Variants in TAFA4 observed in about 807,000 individuals in gnomAD.
TAFA4 encodes chemokine-like protein TAFA-4.
TAFA4 carries 20 observed loss-of-function variants against 21.1 expected under a neutral mutation model. The ratio of observed to expected loss-of-function variants is 0.95; its 90% CI spans 0.67 to 1.38. The LOEUF is 1.38. Among genes scored for constraint, TAFA4 ranks in the 40% most tolerant of loss-of-function variants. The probability of loss-of-function intolerance (pLI) is 0.00; values close to 1 mark genes in which losing one functional copy is unlikely to be tolerated. For synonymous variants in TAFA4, 71 were observed against 67.4 expected (o/e 1.05, Z -0.26); for missense variants, 211 against 180.9 (o/e 1.17, Z -0.95).
chr3:68,783,409 C>T (rs1703185688), intron 3 of TAFA4, among the ~76,000 whole-genome samples: 1 of 152,156 alleles, frequency 6.6e-6, no homozygotes, highest in African/African-American at 2.4e-5. Context: ...CACAGAGGAG[C>T]TTCATCCAGC....
chr3:68,795,079 T>G (rs1344364727), intron 3 of TAFA4, among the ~76,000 whole-genome samples: 1 of 151,406 alleles, frequency 6.6e-6, no homozygotes, highest in Non-Finnish European at 1.5e-5. Flanking sequence ...GTCTGAGAGA[T>G]AAATAATACT....
At chr3:68,745,185 G>C (rs376090948) in intron 4 of TAFA4, among the ~76,000 whole-genome samples, 2 of 152,172 alleles carry the variant, frequency 1.3e-5, no homozygotes, top group Non-Finnish European at 2.9e-5. Flanking sequence ...CAGAGAATAA[G>C]GTGATTAAAC....
At chr3:68,810,538 C>T (rs1010068419) in intron 3 of TAFA4, among the ~76,000 whole-genome samples, 4 of 152,202 alleles carry the variant, frequency 2.6e-5, no homozygotes, top group Non-Finnish European at 4.4e-5. Flanking sequence ...CTGCGCCTGG[C>T]TCTGAGGGTC....
intron 1 of TAFA4, among the ~76,000 whole-genome samples, chr3:68,900,972 C>T (rs1200061185): frequency 6.6e-6 from 1 of 152,202 alleles, no homozygotes; most frequent in Non-Finnish European, 1.5e-5. Flanking sequence ...TGTAGTTCAG[C>T]CACCCATGGC....
chr3:68,815,265 A>C (rs1468301342), intron 3 of TAFA4, among the ~76,000 whole-genome samples: 1 of 152,234 alleles, frequency 6.6e-6, no homozygotes, highest in Non-Finnish European at 1.5e-5. Context: ...CAAGGACTTC[A>C]TGTCTAAAAC....
rs575080252 is a variant in TAFA4, at chr3:68,852,205, G to A, written c.130+28525C>T. Among the ~76,000 whole-genome samples the A allele has an allele frequency of 6.6e-5, 10 of 152,300 alleles. No individual in the cohort carries two copies. The South Asian group carries it at 2.1e-3, about 32-fold the overall frequency. On this transcript the variant is annotated intron_variant, in intron 3 of 5. Transcript: ENST00000295569. Reference sequence around the variant, plus strand: ...GAGATCTGTAGGACCAAAGTTTGGAGAGAGAGGACTCTTTTGTGCCATGTA... The same window carrying A: ...GAGATCTGTAGGACCAAAGTTTGGAAAGAGAGGACTCTTTTGTGCCATGTA...
intron 3 of TAFA4, among the ~76,000 whole-genome samples, chr3:68,849,028 T>C (rs1435940797): frequency 1.3e-5 from 2 of 152,214 alleles, no homozygotes; most frequent in East Asian, 1.9e-4. Context: ...GCATGAGCTA[T>C]CCTTCTAGAA....
At chr3:68,856,369 T>C (rs1705069485) in intron 3 of TAFA4, among the ~76,000 whole-genome samples, 1 of 152,180 alleles carries the variant, frequency 6.6e-6, no homozygotes, top group African/African-American at 2.4e-5. Flanking sequence ...CATTCTGAAA[T>C]TCCACGTCTA....
At position 68,736,626 on chromosome 3, in the gene TAFA4, A is replaced by G. The variant is rs183866425; in HGVS notation, c.411+2449T>C. 5.3e-5 allele frequency among the ~76,000 whole-genome samples: 8 copies of G among 152,264 alleles called. No homozygotes were observed. The East Asian group carries it at 1.5e-3, about 29-fold the overall frequency. ...ATTATTGTTATACAGTTTAGTTAAT[A>G]CGTCCTCTAGGGAGACAATTGCTCT... is the stretch of plus-strand genomic sequence containing the variant. On this transcript the variant is annotated intron_variant, in intron 5 of 5. Coordinates refer to ENST00000295569, the MANE Select transcript of TAFA4 (RefSeq NM_182522.5).
At chr3:68,891,246 T>C (rs1052577647) in intron 1 of TAFA4, among the ~76,000 whole-genome samples, 2 of 152,192 alleles carry the variant, frequency 1.3e-5, no homozygotes, top group Non-Finnish European at 1.5e-5. Context: ...GTGCATCCAC[T>C]CAAACTCATC....
At position 68,853,642 on chromosome 3, in the gene TAFA4, A is replaced by G. The variant is rs1013148789; in HGVS notation, c.130+27088T>C. Reference sequence around the variant, plus strand: ...CAGTGTCTTACCATCTGTTTTCCATAATATGCCCCCTTTATTAATTATTCA... The same window carrying G: ...CAGTGTCTTACCATCTGTTTTCCATGATATGCCCCCTTTATTAATTATTCA... On this transcript the variant is annotated intron_variant, in intron 3 of 5. Transcript: ENST00000295569. Among the ~76,000 whole-genome samples, 21 of 152,272 alleles carry G rather than the reference A, an allele frequency of 1.4e-4. No homozygotes were observed. The East Asian group carries it at 3.1e-3, about 22-fold the overall frequency.
intron 1 of TAFA4, among the ~76,000 whole-genome samples, chr3:68,931,196 C>T (rs2090154231): frequency 6.6e-6 from 1 of 152,146 alleles, no homozygotes; most frequent in Non-Finnish European, 1.5e-5. Context: ...ATCACATCAA[C>T]CTTGCTTGTC....
At position 68,826,678 on chromosome 3, in the gene TAFA4, G is replaced by C. The variant is rs1206610971; in HGVS notation, c.130+54052C>G. ...TTCCTCTGAATTTGAGGGTAGAATA[G>C]TAGGCAGAAAGGATTATCTGGCAAG... On this transcript the variant is annotated intron_variant, in intron 3 of 5. Transcript: ENST00000295569. Among the ~76,000 whole-genome samples the C allele has an allele frequency of 2.0e-5, 3 of 151,888 alleles. No individual in the cohort carries two copies. The East Asian group carries it at 5.8e-4, about 29-fold the overall frequency.
intron 1 of TAFA4, among the ~76,000 whole-genome samples, chr3:68,916,386 T>G (rs553986980): frequency 6.6e-6 from 1 of 152,206 alleles, no homozygotes; most frequent in African/African-American, 2.4e-5. Context: ...TTCCCAGAAA[T>G]GGCCCTCAGT....
At chr3:68,771,982 C>T (rs751214723) in intron 3 of TAFA4, among the ~76,000 whole-genome samples, 1 of 151,792 alleles carries the variant, frequency 6.6e-6, no homozygotes, top group African/African-American at 2.4e-5. Flanking sequence ...AAAAATGCAA[C>T]CAAATGAGGA....
At chr3:68,921,399 T>C (rs773721928) in intron 1 of TAFA4, among the ~76,000 whole-genome samples, 3 of 152,286 alleles carry the variant, frequency 2.0e-5, no homozygotes, top group Non-Finnish European at 2.9e-5. Flanking sequence ...TTTACATGTG[T>C]TTTCTTATTC....
At chr3:68,859,192 A>G (rs967839357) in intron 3 of TAFA4, among the ~76,000 whole-genome samples, 8 of 152,182 alleles carry the variant, frequency 5.3e-5, no homozygotes, top group Admixed American at 4.6e-4. Flanking sequence ...GTGGGCCTAC[A>G]TTACCTATCA....
chr3:68,749,263 C>A (rs560619888), intron 4 of TAFA4, among the ~76,000 whole-genome samples: 28 of 152,272 alleles, frequency 1.8e-4, no homozygotes, highest in African/African-American at 6.3e-4. Flanking sequence ...GCAATGAAAA[C>A]ACTAGATAAT....
At chr3:68,930,996 CT>C (rs1390002578) in intron 1 of TAFA4, among the ~76,000 whole-genome samples, 1 of 152,172 alleles carries the variant, frequency 6.6e-6, no homozygotes, top group African/African-American at 2.4e-5. Context: ...AGCGAGTGTT[CT>C]AGAGGGGGCC....
Sources: gnomAD v4.1 joint callset for allele counts (sites outside exome capture counted in the v4.1 genomes callset) on GRCh38, gnomAD v4.1.1 for gene constraint, MANE v1.5 for transcripts, NCBI Gene and HGNC (gene_info 2026-07-23, HGNC 2026-07-21) for gene names.